Variants in MYLK4 observed in about 807,000 individuals in gnomAD.
The protein encoded by MYLK4 is caMLCK like.
Under a neutral mutation model 48.1 loss-of-function variants are expected in MYLK4, and 46 were observed. The ratio of observed to expected loss-of-function variants is 0.96; its 90% CI spans 0.75 to 1.22. The LOEUF is 1.22. Among genes scored for constraint, MYLK4 ranks in the 50% most tolerant of loss-of-function variants. The pLI is 0.00. For missense variants in MYLK4, 451 were observed against 486.1 expected (o/e 0.93, Z 0.68); for synonymous variants, 170 against 180.8 (o/e 0.94, Z 0.48).
At chr6:2,745,286 T>G (rs1170367227) in intron 2 of MYLK4, among the ~76,000 whole-genome samples, 5 of 152,112 alleles carry the variant, frequency 3.3e-5, no homozygotes, top group Non-Finnish European at 5.9e-5. Flanking sequence ...ATTTACTATA[T>G]AGATAACAGA....
intron 2 of MYLK4, among the ~76,000 whole-genome samples, chr6:2,740,840 T>C (rs1375426814): frequency 2.0e-5 from 3 of 152,202 alleles, no homozygotes; most frequent in South Asian, 4.1e-4. Flanking sequence ...GTTGTCACCA[T>C]GTGGTGGGCA....
intron 2 of MYLK4, among the ~76,000 whole-genome samples, chr6:2,717,740 A>G (rs1446261623): frequency 6.6e-6 from 1 of 152,208 alleles, no homozygotes; most frequent in Non-Finnish European, 1.5e-5. Flanking sequence ...TGAGTTCCTG[A>G]TAATAGTTCA....
Position 2,679,400 on chromosome 6 carries a change from G to T in MYLK4, c.767C>A (p.Pro256His). The T allele has an allele frequency of 6.2e-7, 1 of 1,614,110 alleles. No homozygotes were observed. Among genetic ancestry groups the T allele is most frequent in the Non-Finnish European group, 8.5e-7 (1 of 1,180,014 alleles). ...IDFGLARRYK[P>H]REKLKVNFGT... ...AAAGTTCACCTTCAGCTTCTCTCTG[G>T]GTTTGTATCTGCAATTTAAGAGACA... is the stretch of plus-strand genomic sequence containing the variant. The change falls in exon 9 of 13, where the codon CCC (proline) becomes CAC (histidine). Residue 256 changes from proline to histidine, a missense_variant. Pro to His is a moderately conservative substitution (Grantham distance 77, BLOSUM62 -2). Transcript: ENST00000274643.
At chr6:2,767,137 C>A in the MYLK4 span, among the ~76,000 whole-genome samples, 1 of 152,172 alleles carries the variant, frequency 6.6e-6, no homozygotes, top group African/African-American at 2.4e-5. Flanking sequence ...GTGTCCAGTT[C>A]TGTGTCCCTT....
the MYLK4 span, among the ~76,000 whole-genome samples, chr6:2,760,107 A>G: frequency 3.9e-4 from 59 of 152,376 alleles, no homozygotes; most frequent in Admixed American, 6.5e-4. Context: ...TAATCTAGAG[A>G]TGATTTAAAA....
intron 2 of MYLK4, among the ~76,000 whole-genome samples, chr6:2,729,993 T>C (rs1319909179): frequency 2.6e-5 from 4 of 152,244 alleles, no homozygotes; most frequent in African/African-American, 4.8e-5. Flanking sequence ...AAACTCACTA[T>C]ACTTCCTTTA....
chr6:2,742,753 G>A (rs887636662), intron 2 of MYLK4, among the ~76,000 whole-genome samples: 2 of 146,794 alleles, frequency 1.4e-5, no homozygotes, highest in Admixed American at 6.8e-5. Flanking sequence ...AGCATTAGGA[G>A]ATATACCTAA....
chr6:2,752,602 G>C (rs970146005), upstream of MYLK4, among the ~76,000 whole-genome samples: 5 of 152,136 alleles, frequency 3.3e-5, no homozygotes, highest in African/African-American at 4.8e-5. Flanking sequence ...AACTCTGGAG[G>C]GAAAGGTCAG....
At chr6:2,764,572 T>C in the MYLK4 span, among the ~76,000 whole-genome samples, 3 of 152,186 alleles carry the variant, frequency 2.0e-5, no homozygotes, top group Non-Finnish European at 2.9e-5. Context: ...AAGCAAAAAA[T>C]AACATGGTAA....
intron 2 of MYLK4, among the ~76,000 whole-genome samples, chr6:2,718,276 T>C (rs988103289): frequency 2.6e-5 from 4 of 152,068 alleles, no homozygotes; most frequent in African/African-American, 4.8e-5. Flanking sequence ...ATCCCCACCA[T>C]GCTCATGATT....
chr6:2,681,789 C>A (rs1156728165), intron 7 of MYLK4, among the ~76,000 whole-genome samples: 1 of 152,196 alleles, frequency 6.6e-6, no homozygotes, highest in Middle Eastern at 3.2e-3. Flanking sequence ...ACTAAAACTG[C>A]CCACTGCAGG....
At chr6:2,699,449 C>G (rs894709571) in intron 2 of MYLK4, among the ~76,000 whole-genome samples, 1 of 100,116 alleles carries the variant, frequency 1.0e-5, no homozygotes. Context: ...CCCTACCACA[C>G]CTGGCTAATT....
In MYLK4 at chr6:2,670,431, G is replaced by A. The variant is rs11754794; in HGVS notation, c.*25+845C>T. Among the ~76,000 whole-genome samples the A allele has an allele frequency of 3.6e-3, 549 of 152,198 alleles. 5 individuals carry two copies. The highest frequency in any genetic ancestry group is 0.015 in the South Asian group (72 of 4,824). On this transcript the variant is annotated intron_variant, in intron 12 of 12. Coordinates refer to ENST00000274643, the MANE Select transcript of MYLK4 (RefSeq NM_001012418.5). ...AAGAACTCACTCACAAGTCGTCAAC[G>A]CTGTGCAGTTACATGCATGGAGCTG...
Position 2,672,633 on chromosome 6 carries a change from C to G in MYLK4, c.1120-1285G>C, listed in dbSNP as rs1216969139. Among the ~76,000 whole-genome samples, 1 of 152,166 alleles carries G rather than the reference C, an allele frequency of 6.6e-6. No individual in the cohort carries two copies. The highest frequency in any genetic ancestry group is 1.5e-5 in the Non-Finnish European group (1 of 68,028). On this transcript the variant is annotated intron_variant, in intron 11 of 12. Coordinates refer to ENST00000274643, the MANE Select transcript of MYLK4 (RefSeq NM_001012418.5). This position sits in a 1 kb window ranked among gnomAD's most constrained non-coding sequence, Gnocchi z 4.3. Reference sequence around the variant, plus strand: ...CTGATTTTGTAGAACCAATATTAATCTAAAAATAAGCCTTCTGGAAAACTT... The same window carrying G: ...CTGATTTTGTAGAACCAATATTAATGTAAAAATAAGCCTTCTGGAAAACTT...
chr6:2,764,260 C>G, the MYLK4 span, among the ~76,000 whole-genome samples: 1 of 152,160 alleles, frequency 6.6e-6, no homozygotes, highest in Non-Finnish European at 1.5e-5. Flanking sequence ...AGAAACAACT[C>G]TTAACCAGCC....
chr6:2,738,629 G>A (rs1763784992), intron 2 of MYLK4, among the ~76,000 whole-genome samples: 1 of 152,194 alleles, frequency 6.6e-6, no homozygotes, highest in Non-Finnish European at 1.5e-5. Context: ...ATTTGTGGTG[G>A]TAAAGAAAGT....
At chr6:2,707,988 T>C (rs1438374676) in intron 2 of MYLK4, among the ~76,000 whole-genome samples, 1 of 152,226 alleles carries the variant, frequency 6.6e-6, no homozygotes, top group Non-Finnish European at 1.5e-5. Context: ...CATATTCACA[T>C]TCACAGAGTG....
chr6:2,699,282 C>CTTTTCTTTTCTTTT (rs1762185671), intron 2 of MYLK4, among the ~76,000 whole-genome samples: 1 of 63,584 alleles, frequency 1.6e-5, no homozygotes, highest in African/African-American at 6.1e-5. Flanking sequence ...CTTTTCTTTT[C>CTTTTCTTTTCTTTT]TTTTCTTTTT....
chr6:2,767,882 G>A, the MYLK4 span, among the ~76,000 whole-genome samples: 1 of 152,196 alleles, frequency 6.6e-6, no homozygotes, highest in Non-Finnish European at 1.5e-5. Context: ...AGGCAGGCAG[G>A]CGGGGATTTC....
Sources: allele counts gnomAD v4.1 joint callset (sites outside exome capture counted in the v4.1 genomes callset), GRCh38; gene constraint gnomAD v4.1.1; non-coding constraint Gnocchi (gnomAD v3.1); transcripts MANE v1.5; gene names NCBI Gene and HGNC (gene_info 2026-07-23, HGNC 2026-07-21).